Variants in TPST1 observed in about 807,000 individuals in gnomAD.
TPST1 encodes tyrosylprotein sulfotransferase 1.
TPST1 carries 20 observed loss-of-function variants against 34.8 expected under a neutral mutation model. The ratio of observed to expected loss-of-function variants is 0.57; its 90% confidence interval spans 0.40 to 0.84. TPST1 has a LOEUF of 0.84. Ranked by LOEUF, TPST1 falls within the 40% of genes least tolerant of loss-of-function variation. The probability of loss-of-function intolerance (pLI) is 0.00; values close to 1 mark genes in which losing one functional copy is unlikely to be tolerated. For synonymous variants in TPST1, 152 were observed against 159.4 expected, an observed-to-expected ratio of 0.95 and a Z score of 0.35; for missense variants, 353 against 455.5, an observed-to-expected ratio of 0.78 and a Z score of 2.05.
intron 2 of TPST1, among the ~76,000 whole-genome samples, chr7:66,242,087 T>C (rs1450948795): frequency 1.3e-5 from 2 of 152,212 alleles, no homozygotes; most frequent in East Asian, 3.8e-4. Flanking sequence ...AAGTGACAAC[T>C]AGTATACCCT....
intron 1 of TPST1, among the ~76,000 whole-genome samples, chr7:66,229,213 C>G (rs1789726769): frequency 6.6e-6 from 1 of 151,828 alleles, no homozygotes; most frequent in Non-Finnish European, 1.5e-5. Flanking sequence ...TAGATTCACA[C>G]CATTGTCCTG....
At chr7:66,260,843 T>A (rs1176130038) in intron 2 of TPST1, among the ~76,000 whole-genome samples, 1 of 152,224 alleles carries the variant, frequency 6.6e-6, no homozygotes, top group Non-Finnish European at 1.5e-5. Context: ...GGCTGAGTAC[T>A]CTACTAATAT....
In TPST1 at chr7:66,283,105, A is replaced by G. The variant is rs1275420970; in HGVS notation, c.846-3406A>G. On this transcript the variant is annotated intron_variant, in intron 2 of 5. Coordinates refer to ENST00000304842, the MANE Select transcript of TPST1 (RefSeq NM_003596.4). ...CCAATGTGGCAAAACCCCACTAAAA[A>G]TACAAAAATTAACTGGGTATGGTGG... 2.6e-5 allele frequency among the ~76,000 whole-genome samples: 4 copies of G among 152,128 alleles called. No individual in the cohort carries two copies. In the East Asian group the frequency reaches 7.7e-4, roughly 29 times the overall value.
intron 3 of TPST1, among the ~76,000 whole-genome samples, chr7:66,336,304 C>T (rs1026210125): frequency 5.6e-5 from 8 of 143,860 alleles, no homozygotes; most frequent in Admixed American, 6.8e-5. Flanking sequence ...AGCAAGACTC[C>T]GCCTCAAAAA....
intron 3 of TPST1, among the ~76,000 whole-genome samples, chr7:66,298,087 T>C (rs570518306): frequency 6.6e-6 from 1 of 152,354 alleles, no homozygotes; most frequent in East Asian, 1.9e-4. Context: ...CTTTGAAATA[T>C]ATTGAATATT....
At chr7:66,348,255 A>G (rs1172579642) in intron 3 of TPST1, among the ~76,000 whole-genome samples, 1 of 152,230 alleles carries the variant, frequency 6.6e-6, no homozygotes, top group Non-Finnish European at 1.5e-5. Flanking sequence ...TATAGACTCC[A>G]TACTACAGTC....
At position 66,274,953 on chromosome 7, in the gene TPST1, G is replaced by A. The variant is rs1219526168; in HGVS notation, c.846-11558G>A. ...CTCACACCTGTAATCCCTGCACTTT[G>A]GGAGGCCGAGGTGGGTGGATCACGA... On this transcript the variant is annotated intron_variant, in intron 2 of 5. Coordinates refer to ENST00000304842, the MANE Select transcript of TPST1 (RefSeq NM_003596.4). 3.3e-5 allele frequency among the ~76,000 whole-genome samples: 5 copies of A among 152,146 alleles called. No individual in the cohort carries two copies. In the East Asian group the frequency reaches 7.7e-4, roughly 23 times the overall value.
At chr7:66,349,508 G>A (rs1020185432) in intron 3 of TPST1, among the ~76,000 whole-genome samples, 2 of 152,138 alleles carry the variant, frequency 1.3e-5, no homozygotes, top group South Asian at 4.1e-4. Flanking sequence ...GGAGGCAGAG[G>A]TTGTGGTGAG....
intron 1 of TPST1, among the ~76,000 whole-genome samples, chr7:66,222,076 C>T (rs565100203): frequency 3.9e-5 from 6 of 152,188 alleles, no homozygotes; most frequent in Admixed American, 1.3e-4. Flanking sequence ...CACTAGTTAC[C>T]TATTCGTCTA....
chr7:66,284,091 C>T (rs4236208), intron 2 of TPST1, among the ~76,000 whole-genome samples: 98,640 of 152,078 alleles, frequency 0.65, 32,371 homozygotes, highest in African/African-American at 0.75. Context: ...TTGCTGCTAG[C>T]GGCTCTTGTA....
intron 3 of TPST1, among the ~76,000 whole-genome samples, chr7:66,346,557 A>C (rs1584258263): frequency 6.6e-6 from 1 of 152,144 alleles, no homozygotes; most frequent in South Asian, 2.1e-4. Flanking sequence ...TGTAGTTTTG[A>C]TTTGCATCTC....
At chr7:66,230,731 G>A (rs1041907504) in intron 1 of TPST1, among the ~76,000 whole-genome samples, 9 of 152,094 alleles carry the variant, frequency 5.9e-5, no homozygotes, top group African/African-American at 2.2e-4. Context: ...AGTGTGGAAG[G>A]GGACCCGAGC....
Position 66,205,567 on chromosome 7 carries a change from C to T in TPST1, c.-102+45C>T, listed in dbSNP as rs1789109362. The T allele has an allele frequency of 6.6e-6, 1 of 152,456 alleles. No homozygotes were observed. Among genetic ancestry groups the T allele is most frequent in the Admixed American group, 6.5e-5 (1 of 15,282 alleles). 9.4% of individuals were successfully genotyped at this position (152,456 alleles called of 1,614,324 possible). ...CGCTGCGGCTCCGCTCCCCTCTCGT[C>T]TCCTCACACCCGGCCCTGTGCCCCG... On this transcript the variant is annotated intron_variant, in intron 1 of 5. Transcript: ENST00000304842. The surrounding 1 kb of genome is among the most constrained non-coding windows in gnomAD (Gnocchi z 5.0).
At chr7:66,234,434 C>CACACACACACACACACAG (rs1789868212) in intron 1 of TPST1, among the ~76,000 whole-genome samples, 1 of 140,118 alleles carries the variant, frequency 7.1e-6, no homozygotes, top group South Asian at 2.4e-4. Context: ...CACACACAGA[C>CACACACACACACACACAG]ACACACACAC....
intron 2 of TPST1, among the ~76,000 whole-genome samples, chr7:66,244,735 A>G (rs1790113155): frequency 6.6e-6 from 1 of 152,226 alleles, no homozygotes. Context: ...TGGAACAAAT[A>G]AAAGTCAAGT....
At chr7:66,295,384 G>A (rs1584215136) in intron 3 of TPST1, among the ~76,000 whole-genome samples, 1 of 151,974 alleles carries the variant, frequency 6.6e-6, no homozygotes, top group Non-Finnish European at 1.5e-5. Flanking sequence ...GGTTTCAGCT[G>A]CTTGGGAGGC....
At chr7:66,257,460 C>CTT (rs1285901740) in intron 2 of TPST1, among the ~76,000 whole-genome samples, 1 of 152,192 alleles carries the variant, frequency 6.6e-6, no homozygotes, top group Non-Finnish European at 1.5e-5. Context: ...GATTCCACCT[C>CTT]TGAGTTATTC....
intron 3 of TPST1, among the ~76,000 whole-genome samples, chr7:66,311,932 A>T (rs1178191956): frequency 1.3e-5 from 2 of 152,218 alleles, no homozygotes; most frequent in Non-Finnish European, 2.9e-5. Context: ...CTGTCATTCC[A>T]TAAGTGTATC....
In TPST1 at chr7:66,205,715, A is replaced by T. The variant is rs1211486818; in HGVS notation, c.-102+193A>T. The T allele has an allele frequency of 6.9e-6, 1 of 144,664 alleles. No individual in the cohort carries two copies. The highest frequency in any genetic ancestry group is 1.5e-5 in the Non-Finnish European group (1 of 66,016). 9.0% of individuals were successfully genotyped at this position (144,664 alleles called of 1,614,324 possible). On this transcript the variant is annotated intron_variant, in intron 1 of 5. Coordinates refer to ENST00000304842, the MANE Select transcript of TPST1 (RefSeq NM_003596.4). The surrounding 1 kb of genome is among the most constrained non-coding windows in gnomAD (Gnocchi z 5.0). Reference sequence around the variant, plus strand: ...CCCCTGCTCCCACGCCCCTTCCCCCATCGCCGGCATTTCCCGGGCTCGGCT... The same window carrying T: ...CCCCTGCTCCCACGCCCCTTCCCCCTTCGCCGGCATTTCCCGGGCTCGGCT...
Sources: allele counts gnomAD v4.1 joint callset (sites outside exome capture counted in the v4.1 genomes callset), GRCh38; gene constraint gnomAD v4.1.1; non-coding constraint Gnocchi (gnomAD v3.1); transcripts MANE v1.5; gene names NCBI Gene and HGNC (gene_info 2026-07-23, HGNC 2026-07-21).